The following GART variants were observed in gnomAD, a reference collection of about 807,000 sequenced individuals.
GART encodes phosphoribosylglycinamide formyltransferase, phosphoribosylglycinamide synthetase, phosphoribosylaminoimidazole synthetase, also known as trifunctional purine biosynthetic protein adenosine-3.
Under a neutral mutation model 107.2 loss-of-function variants are expected in GART, and 43 were observed. The observed-to-expected ratio is 0.40, with a 90% confidence interval of 0.31 to 0.52. The LOEUF (loss-of-function observed/expected upper bound fraction) is 0.52, where lower values mean the gene tolerates loss of function less well. Ranked by LOEUF, GART falls within the 20% of genes least tolerant of loss-of-function variation. The pLI, the probability that GART is intolerant of heterozygous loss-of-function variation, is 0.52. For synonymous variants in GART, 434 were observed against 427.0 expected, an observed-to-expected ratio of 1.02 and a Z score of -0.20; for missense variants, 1,107 against 1,206.5, an observed-to-expected ratio of 0.92 and a Z score of 1.22.
In GART at chr21:33,517,276, T is replaced by G. The variant is rs1243156903; in HGVS notation, c.1954+81A>C. 6 of 1,578,446 alleles carry G rather than the reference T, an allele frequency of 3.8e-6. No individual in the cohort carries two copies. The African/African-American group carries it at 8.1e-5, about 21-fold the overall frequency. On this transcript the variant is annotated intron_variant, in intron 15 of 21. Coordinates refer to ENST00000381815, the MANE Select transcript of GART (RefSeq NM_000819.5). The stretch of plus-strand genomic sequence containing the variant: ...CCAAGGTAATTCATTCCCTTTTAGC[T>G]CTAAGTAATCAGAGACTAAAACCAC...
intron 13 of GART, 37 bp downstream of exon 13, chr21:33,520,869 T>C (rs1371500961): frequency 7.0e-6 from 10 of 1,430,964 alleles, no homozygotes; most frequent in Non-Finnish European, 9.7e-6. Context: ...TCCTCATCTT[T>C]CCTAAAAGGC....
At chr21:33,530,037 C>A (rs1250785800) in intron 7 of GART, among the ~76,000 whole-genome samples, 1 of 151,906 alleles carries the variant, frequency 6.6e-6, no homozygotes, top group Non-Finnish European at 1.5e-5. Context: ...ACTAAAAATA[C>A]AAAAATTAGC....
chr21:33,530,338 T>C (rs1177504604), intron 7 of GART, among the ~76,000 whole-genome samples: 4 of 152,236 alleles, frequency 2.6e-5, no homozygotes, highest in Admixed American at 1.3e-4. Flanking sequence ...CTGACTTGGT[T>C]CTCAATTCAT....
rs374976462 is a variant in GART, at chr21:33,504,232, T to C, written c.2925A>G (p.Arg975=). ...ATATTTTATGTTCTGCTAATTTTAC[T>C]CTTTCAGAAAGAGTTGCGACAGTAT... ...RGDTVATLSE[R]VKLAEHKIFP... is the part of the protein sequence containing the mutation. Residue 975 remains arginine, a synonymous_variant, in exon 22 of 22, where the codon AGA becomes AGG. Coordinates refer to ENST00000381815, the MANE Select transcript of GART (RefSeq NM_000819.5). 23 of 1,614,102 alleles carry C rather than the reference T, an allele frequency of 1.4e-5. No individual in the cohort carries two copies. Among genetic ancestry groups the C allele is most frequent in the Non-Finnish European group, 1.8e-5 (21 of 1,180,048 alleles).
intron 19 of GART, 133 bp from the exon 20 acceptor site, chr21:33,505,835 C>A: frequency 7.3e-7 from 1 of 1,374,106 alleles, no homozygotes; most frequent in Non-Finnish European, 1.0e-6. Flanking sequence ...AAGAAAGGGA[C>A]AGGATGAAGA....
intron 18 of GART, among the ~76,000 whole-genome samples, chr21:33,507,478 A>G (rs536694549): frequency 8.5e-5 from 13 of 152,338 alleles, no homozygotes; most frequent in Non-Finnish European, 1.6e-4. Context: ...AGTGTTTGAT[A>G]GCATAACAGG....
At chr21:33,505,424 T>C in intron 20 of GART, 137 bp downstream of exon 20, 1 of 631,320 alleles carries the variant, frequency 1.6e-6, no homozygotes, top group Non-Finnish European at 2.7e-6. Flanking sequence ...TGTTAAAGTA[T>C]TAATAAAATA....
At chr21:33,522,548 C>T (rs974889107) in intron 11 of GART, among the ~76,000 whole-genome samples, 1 of 152,152 alleles carries the variant, frequency 6.6e-6, no homozygotes, top group African/African-American at 2.4e-5. Flanking sequence ...AACTCAATCA[C>T]CTATTTCTTC....
chr21:33,504,171 C>G lies in GART; in HGVS notation c.2986G>C (p.Val996Leu). ...ATCTTGCCATTTTCTCCAAGCTGTA[C>G]AGTTCCACTGGCCACCAGCTGAAGG... is the stretch of plus-strand genomic sequence containing the variant. ...AALQLVASGT[V>L]QLGENGKICW... Residue 996 changes from valine to leucine, a missense_variant, in exon 22 of 22, where the codon GTA becomes CTA. Val to Leu is a conservative substitution (Grantham distance 32, BLOSUM62 1). Coordinates refer to ENST00000381815, the MANE Select transcript of GART (RefSeq NM_000819.5). 1 of 1,614,206 alleles carries G rather than the reference C, an allele frequency of 6.2e-7. No homozygotes were observed. Among genetic ancestry groups the G allele is most frequent in the Non-Finnish European group, 8.5e-7 (1 of 1,180,028 alleles).
chr21:33,507,874 A>G (rs1443234153), intron 18 of GART, among the ~76,000 whole-genome samples: 1 of 152,138 alleles, frequency 6.6e-6, no homozygotes, highest in Admixed American at 6.6e-5. Flanking sequence ...CTGAAATAAA[A>G]TAACTGGATT....
chr21:33,511,310 A>G lies in GART; in HGVS notation c.2256T>C (p.Asp752=). ...AGGCTTCTTCCTTGTGCTGCTGGAT[A>G]TCCCTCAGAATCTGCTCTGTCTGCT... ...SKEQTEQILR[D]IQQHKEEAWV... is the part of the protein sequence containing the mutation. The change falls in exon 17 of 22, where the codon GAT becomes GAC. Residue 752 remains aspartate, a synonymous_variant. Coordinates refer to ENST00000381815, the MANE Select transcript of GART (RefSeq NM_000819.5). The G allele has an allele frequency of 6.2e-7, 1 of 1,614,166 alleles. No individual in the cohort carries two copies. Among genetic ancestry groups the G allele is most frequent in the African/African-American group, 1.3e-5 (1 of 75,044 alleles).
intron 16 of GART, among the ~76,000 whole-genome samples, chr21:33,511,738 G>A (rs1175198899): frequency 6.6e-6 from 1 of 152,184 alleles, no homozygotes; most frequent in Non-Finnish European, 1.5e-5. Flanking sequence ...TAATGGATCA[G>A]ATGAGCTAGT....
At chr21:33,518,055 C>A (rs777226289) in intron 14 of GART, among the ~76,000 whole-genome samples, 1 of 152,180 alleles carries the variant, frequency 6.6e-6, no homozygotes, top group Non-Finnish European at 1.5e-5. Flanking sequence ...ATTTTACTTA[C>A]AATTATATCA....
At chr21:33,512,391 CACA>C (rs749245773) in intron 16 of GART, among the ~76,000 whole-genome samples, 8 of 149,024 alleles carry the variant, frequency 5.4e-5, no homozygotes, top group East Asian at 2.0e-4. Context: ...TATACACACA[CACA>C]ACATTTCTGA....
intron 18 of GART, among the ~76,000 whole-genome samples, chr21:33,507,477 T>C (rs1407665681): frequency 1.3e-5 from 2 of 152,194 alleles, no homozygotes; most frequent in South Asian, 2.1e-4. Context: ...TAGTGTTTGA[T>C]AGCATAACAG....
chr21:33,531,642 C>G, intron 5 of GART, 85 bp from the exon 6 acceptor site: 1 of 1,254,916 alleles, frequency 8.0e-7, no homozygotes, highest in Admixed American at 2.2e-5. Context: ...TAGCATTATC[C>G]AGCATTTGTA....
Position 33,517,680 on chromosome 21 carries a change from A to G in GART, c.1703-72T>C. ...TGTCTAGGAAACAGTGGCACAGGCTACTCTTAACATGAACAACTAACACAT... is the reference window on the plus strand; with the variant it reads ...TGTCTAGGAAACAGTGGCACAGGCTGCTCTTAACATGAACAACTAACACAT... On this transcript the variant is annotated intron_variant, in intron 14 of 21. Transcript: ENST00000381815. The G allele has an allele frequency of 3.4e-6, 5 of 1,480,544 alleles. No homozygotes were observed. The East Asian group carries it at 1.1e-4, about 34-fold the overall frequency. 91.7% of individuals were successfully genotyped at this position (1,480,544 alleles called of 1,614,324 possible).
chr21:33,534,011 A>G (rs62227703), intron 4 of GART, among the ~76,000 whole-genome samples: 27,736 of 152,158 alleles, frequency 0.18, 3,094 homozygotes, highest in Non-Finnish European at 0.24. Context: ...GGAACTACTC[A>G]GATTTTATTA....
chr21:33,525,455 A>C (rs918901393), intron 10 of GART, among the ~76,000 whole-genome samples: 2 of 152,208 alleles, frequency 1.3e-5, no homozygotes, highest in African/African-American at 2.4e-5. Context: ...TTATTTTTTG[A>C]GACGGAGTCT....
Sources: gnomAD v4.1 joint callset for allele counts (sites outside exome capture counted in the v4.1 genomes callset) on GRCh38, gnomAD v4.1.1 for gene constraint, MANE v1.5 for transcripts, NCBI Gene and HGNC (gene_info 2026-07-23, HGNC 2026-07-21) for gene names.